Variants in NECAB1 observed in about 807,000 individuals in gnomAD.
NECAB1 encodes N-terminal EF-hand calcium-binding protein 1.
A neutral mutation model predicts 57.5 loss-of-function variants in NECAB1; 29 were observed. The ratio of observed to expected loss-of-function variants is 0.50; its 90% CI spans 0.38 to 0.69. The LOEUF is 0.69. Among genes scored for constraint, NECAB1 ranks in the 30% least tolerant of loss-of-function variants. The pLI is 0.00. For missense variants in NECAB1, 372 were observed against 413.8 expected (o/e 0.90, Z 0.88); for synonymous variants, 142 against 147.7 (o/e 0.96, Z 0.28).
At chr8:90,814,527 C>CTTAT (rs1307582345) in intron 2 of NECAB1, among the ~76,000 whole-genome samples, 2 of 152,060 alleles carry the variant, frequency 1.3e-5, no homozygotes, top group Non-Finnish European at 2.9e-5. Context: ...TGTCTATTTT[C>CTTAT]TTATTTATTT....
At chr8:90,792,976 C>T (rs557460016) in intron 1 of NECAB1, among the ~76,000 whole-genome samples, 2 of 152,216 alleles carry the variant, frequency 1.3e-5, no homozygotes, top group East Asian at 3.9e-4. Flanking sequence ...CTGTCTGCTT[C>T]TTGTTTAGGC....
chr8:90,840,802 C>A (rs566007105), intron 3 of NECAB1, among the ~76,000 whole-genome samples: 1 of 152,038 alleles, frequency 6.6e-6, no homozygotes, highest in African/African-American at 2.4e-5. Flanking sequence ...ACCAGCGAAG[C>A]CAGACCATTC....
chr8:90,878,237 G>T (rs1208746949), intron 4 of NECAB1, among the ~76,000 whole-genome samples: 1 of 151,908 alleles, frequency 6.6e-6, no homozygotes, highest in Non-Finnish European at 1.5e-5. Flanking sequence ...GTTGTTACTT[G>T]GAATGTTTCT....
intron 2 of NECAB1, among the ~76,000 whole-genome samples, chr8:90,813,581 C>G (rs1812005354): frequency 6.6e-6 from 1 of 152,052 alleles, no homozygotes; most frequent in Non-Finnish European, 1.5e-5. Context: ...GGCTGGAGTG[C>G]AAGTGGCGTA....
chr8:90,800,180 G>A (rs555599923), intron 1 of NECAB1, among the ~76,000 whole-genome samples: 11 of 152,242 alleles, frequency 7.2e-5, no homozygotes, highest in South Asian at 2.1e-4. Flanking sequence ...TATTGAAGTC[G>A]TTTATCAGTC....
At chr8:90,848,423 A>G (rs1812609278) in intron 3 of NECAB1, among the ~76,000 whole-genome samples, 1 of 152,186 alleles carries the variant, frequency 6.6e-6, no homozygotes, top group Non-Finnish European at 1.5e-5. Context: ...CCTGTTCCCC[A>G]GTTCCAAAGT....
At chr8:90,915,667 G>A (rs2130108986) in intron 5 of NECAB1, among the ~76,000 whole-genome samples, 1 of 152,270 alleles carries the variant, frequency 6.6e-6, no homozygotes, top group East Asian at 1.9e-4. Context: ...TGATCACACA[G>A]TAAAGTCCCA....
chr8:90,882,614 T>C (rs960631906), intron 5 of NECAB1, among the ~76,000 whole-genome samples: 5 of 152,082 alleles, frequency 3.3e-5, no homozygotes, highest in Non-Finnish European at 5.9e-5. Context: ...TTAAATACCA[T>C]GGCCTCAGAA....
At chr8:90,859,846 A>G (rs954945330) in intron 3 of NECAB1, among the ~76,000 whole-genome samples, 1 of 152,114 alleles carries the variant, frequency 6.6e-6, no homozygotes, top group Non-Finnish European at 1.5e-5. Flanking sequence ...TTTCAAATTT[A>G]CAGTAATCCT....
At chr8:90,802,091 A>T (rs1440980768) in intron 2 of NECAB1, among the ~76,000 whole-genome samples, 1 of 152,212 alleles carries the variant, frequency 6.6e-6, no homozygotes, top group Non-Finnish European at 1.5e-5. Flanking sequence ...TTACAATACA[A>T]AGCTGAGACT....
chr8:90,833,586 A>G (rs1036241237), intron 3 of NECAB1, among the ~76,000 whole-genome samples: 2 of 152,164 alleles, frequency 1.3e-5, no homozygotes, highest in African/African-American at 4.8e-5. Flanking sequence ...CCATTAGTGA[A>G]GTAAAATCAA....
At chr8:90,823,605 TTCTAGATGAA>T (rs1812180384) in intron 2 of NECAB1, among the ~76,000 whole-genome samples, 2 of 151,854 alleles carry the variant, frequency 1.3e-5, no homozygotes, top group Non-Finnish European at 2.9e-5. Flanking sequence ...AAACAAAATG[TTCTAGATGAA>T]TCTAGAGGAG....
intron 9 of NECAB1, among the ~76,000 whole-genome samples, chr8:90,939,198 T>C (rs1221553041): frequency 3.3e-5 from 5 of 152,226 alleles, no homozygotes; most frequent in African/African-American, 9.7e-5. Context: ...TTACTACCCA[T>C]CCATTTACAG....
intron 4 of NECAB1, among the ~76,000 whole-genome samples, chr8:90,873,965 G>A (rs1330976114): frequency 6.6e-6 from 1 of 152,140 alleles, no homozygotes; most frequent in Non-Finnish European, 1.5e-5. Flanking sequence ...TTAGGGAACT[G>A]GTATGTGGGG....
intron 3 of NECAB1, among the ~76,000 whole-genome samples, chr8:90,852,852 G>T (rs1265745720): frequency 2.0e-5 from 3 of 152,068 alleles, no homozygotes; most frequent in Non-Finnish European, 4.4e-5. Context: ...CAATTCATTC[G>T]TGCAACCTCA....
intron 6 of NECAB1, among the ~76,000 whole-genome samples, chr8:90,920,210 C>A (rs1017603598): frequency 1.2e-4 from 18 of 152,166 alleles, no homozygotes; most frequent in African/African-American, 3.9e-4. Flanking sequence ...CCAGGAATGA[C>A]AAAATCCCAC....
intron 4 of NECAB1, 153 bp downstream of exon 4, chr8:90,872,306 G>A (rs7829663): frequency 0.38 from 220,758 of 583,934 alleles, 52,651 homozygotes; most frequent in African/African-American, 0.86. Context: ...ATCTTTACCC[G>A]TGAATTTTGC....
At chr8:90,834,750 A>C (rs2129729777) in intron 3 of NECAB1, among the ~76,000 whole-genome samples, 1 of 152,248 alleles carries the variant, frequency 6.6e-6, no homozygotes, top group South Asian at 2.1e-4. Context: ...AATATCTGAA[A>C]CCTCACAATC....
Position 90,801,855 on chromosome 8 carries a change from A to G in NECAB1, c.124+140A>G, listed in dbSNP as rs1488882744. The G allele has an allele frequency of 1.4e-5, 8 of 568,240 alleles. No homozygotes were observed. In the Admixed American group the frequency reaches 3.2e-4, roughly 22 times the overall value. 35.2% of individuals were successfully genotyped at this position (568,240 alleles called of 1,614,324 possible). A position where few individuals can be genotyped will look rare whatever the true frequency, so the allele number is the denominator to read the frequency against. ...CTTATTGTACTAGTGATCGTTTTAG[A>G]TAAGTTTTAGGCCCTAAATATTCAT... On this transcript the variant is annotated intron_variant, in intron 2 of 12. Transcript: ENST00000417640.
Sources: allele counts gnomAD v4.1 joint callset (sites outside exome capture counted in the v4.1 genomes callset), GRCh38; gene constraint gnomAD v4.1.1; transcripts MANE v1.5; gene names NCBI Gene and HGNC (gene_info 2026-07-23, HGNC 2026-07-21).